The following SF3B1 variants were observed in gnomAD, a reference collection of about 807,000 sequenced individuals.
SF3B1 encodes pre-mRNA processing 10.
Under a neutral mutation model 153.8 loss-of-function variants are expected in SF3B1, and 12 were observed. That is an observed-to-expected ratio of 0.08 (90% CI 0.05 to 0.13). The LOEUF is 0.13. Among genes scored for constraint, SF3B1 ranks in the 10% least tolerant of loss-of-function variants. The probability of loss-of-function intolerance (pLI) is 1.00; values close to 1 mark genes in which losing one functional copy is unlikely to be tolerated. For missense variants in SF3B1, 513 were observed against 1,606.1 expected (o/e 0.32, Z 11.63); for synonymous variants, 498 against 525.2 (o/e 0.95, Z 0.71).
At chr2:197,435,070 A>G (rs2085503117), upstream of SF3B1, 7 of 1,612,450 alleles carry the variant, frequency 4.3e-6, no homozygotes, top group South Asian at 4.4e-5. Flanking sequence ...CGCCACGGAG[A>G]AAAATAGCTG....
At chr2:197,406,535 G>A (rs1478326239) in intron 9 of SF3B1, among the ~76,000 whole-genome samples, 1 of 152,056 alleles carries the variant, frequency 6.6e-6, no homozygotes, top group Non-Finnish European at 1.5e-5. Flanking sequence ...AGGATTTAAA[G>A]GTCTACTATA....
chr2:197,392,380 G>C lies in SF3B1; in HGVS notation c.3838C>G (p.Leu1280Val), dbSNP rs759773104. ...NSIYIGSQDA[L>V]IAHYPRIYND... ...TAGATTCTTGGGTAATGTGCTATGA[G>C]AGCGTCCTGGGAACCAATGTAGATG... Residue 1280 changes from leucine to valine, a missense_variant, in exon 25 of 25, where the codon CTC (leucine) becomes GTC (valine). Transcript: ENST00000335508. 7 of 1,608,438 alleles carry C rather than the reference G, an allele frequency of 4.4e-6. No individual in the cohort carries two copies. Among genetic ancestry groups the C allele is most frequent in the Non-Finnish European group, 5.1e-6 (6 of 1,175,004 alleles).
chr2:197,405,661 A>G (rs938041558), intron 9 of SF3B1, among the ~76,000 whole-genome samples, 189 bp from the exon 10 acceptor site: 1 of 152,228 alleles, frequency 6.6e-6, no homozygotes, highest in Non-Finnish European at 1.5e-5. Flanking sequence ...CTAACTGATT[A>G]TATCCGTGGT....
At chr2:197,433,126 G>A (rs905311846) in intron 1 of SF3B1, among the ~76,000 whole-genome samples, 3 of 152,210 alleles carry the variant, frequency 2.0e-5, no homozygotes, top group Non-Finnish European at 4.4e-5. Context: ...GTTCCATTAG[G>A]AAGGAAGCAA....
chr2:197,392,573 G>GGC (rs1553563316), intron 24 of SF3B1, 112 bp from the exon 25 acceptor site: 13 of 355,830 alleles, frequency 3.7e-5, no homozygotes, highest in South Asian at 1.1e-4. Flanking sequence ...GGGGAGTTGG[G>GGC]GGGGGGGGAA....
In SF3B1 at chr2:197,403,679, G is replaced by A. The variant is rs1417036610; in HGVS notation, c.1625C>T (p.Pro542Leu). ...ATGACGCTCTTGATCCTCAAGTGTA[G>A]GAGACATCAGCAGAGGAAGAATCTG... ...FNQILPLLMSPTLEDQERHLL... is the reference protein window; with the variant it reads ...FNQILPLLMSLTLEDQERHLL... The change falls in exon 12 of 25, where the codon CCT becomes CTT. Residue 542 changes from proline (P) to leucine (L), a missense_variant. Around this residue, in one of 21 missense-constraint regions of SF3B1, gnomAD observed 34 missense variants for 190.8 expected, o/e 0.18. Coordinates refer to ENST00000335508, the MANE Select transcript of SF3B1 (RefSeq NM_012433.4). 6.2e-7 allele frequency: 1 copy of A among 1,600,156 alleles called. No individual in the cohort carries two copies.
intron 20 of SF3B1, chr2:197,399,116 A>G: frequency 7.9e-7 from 1 of 1,273,122 alleles, no homozygotes; most frequent in East Asian, 5.6e-5. Flanking sequence ...TTCTCTCTCC[A>G]TTGCTCTTCC....
intron 1 of SF3B1, among the ~76,000 whole-genome samples, chr2:197,432,625 T>G (rs1414184862): frequency 6.6e-6 from 1 of 152,170 alleles, no homozygotes; most frequent in Admixed American, 6.5e-5. Context: ...ATCCCAGCAC[T>G]TTGGGAGGCC....
chr2:197,421,143 A>G lies in SF3B1; in HGVS notation c.196-10T>C. On this transcript the variant is annotated splice_polypyrimidine_tract_variant and intron_variant, in intron 2 of 24. Transcript: ENST00000335508. ...AATAGTCATCGTCATCCTGCAATGA[A>G]AACCCCCCAAAAAGCCATAAACAAA... is the stretch of plus-strand genomic sequence containing the variant. 6.4e-7 allele frequency: 1 copy of G among 1,561,938 alleles called. No homozygotes were observed. Among genetic ancestry groups the G allele is most frequent in the East Asian group, 2.2e-5 (1 of 44,564 alleles).
intron 4 of SF3B1, chr2:197,420,116 G>C (rs539173589): frequency 3.3e-6 from 1 of 303,646 alleles, no homozygotes; most frequent in Non-Finnish European, 6.1e-6. Flanking sequence ...AGTATTTTGA[G>C]CAGAAAAATA....
chr2:197,408,616 T>C, intron 7 of SF3B1, 35 bp from the exon 8 acceptor site: 1 of 1,286,426 alleles, frequency 7.8e-7, no homozygotes, highest in Non-Finnish European at 1.1e-6. Flanking sequence ...ACCACAATTT[T>C]AATCACTGTT....
intron 6 of SF3B1, 83 bp downstream of exon 6, chr2:197,416,658 C>T (rs2106004761): frequency 8.1e-6 from 10 of 1,240,802 alleles, no homozygotes; most frequent in Non-Finnish European, 9.0e-6. Flanking sequence ...TGGTATCTTG[C>T]TATGGCAACC....
chr2:197,420,768 A>G (rs2085227533), intron 3 of SF3B1, among the ~76,000 whole-genome samples: 1 of 152,206 alleles, frequency 6.6e-6, no homozygotes, highest in Non-Finnish European at 1.5e-5. Context: ...AAATGATTAC[A>G]GCCAGGCATG....
chr2:197,400,784 A>G lies in SF3B1; in HGVS notation c.2649T>C (p.Asp883=), dbSNP rs1049340742. The G allele has an allele frequency of 6.2e-7, 1 of 1,613,398 alleles. No individual in the cohort carries two copies. ...EKIMGNLGAA[D]IDHKLEEQLI... is the part of the protein sequence containing the mutation. ...GTTGTTCTTCAAGTTTATGATCAAT[A>G]TCTGCTGCTCCCAAATTACCCATAA... The change falls in exon 18 of 25, where the codon GAT becomes GAC. Residue 883 remains aspartate (D), a synonymous_variant. Coordinates refer to ENST00000335508, the MANE Select transcript of SF3B1 (RefSeq NM_012433.4). This position sits in a 1 kb window ranked among gnomAD's most constrained non-coding sequence, Gnocchi z 5.0.
At chr2:197,399,191 T>C (rs2084910311) in intron 20 of SF3B1, among the ~76,000 whole-genome samples, 1 of 152,236 alleles carries the variant, frequency 6.6e-6, no homozygotes, top group African/African-American at 2.4e-5. Flanking sequence ...CAAGTGGCCA[T>C]GTAAATGATT....
At chr2:197,419,050 C>T (rs895218136) in intron 4 of SF3B1, 1 of 916,106 alleles carries the variant, frequency 1.1e-6, no homozygotes, top group Non-Finnish European at 1.7e-6. Context: ...CTACAAATAA[C>T]TATGACTAGA....
chr2:197,406,095 T>C (rs1032357020), intron 9 of SF3B1, among the ~76,000 whole-genome samples: 1 of 150,790 alleles, frequency 6.6e-6, no homozygotes, highest in African/African-American at 2.4e-5. Flanking sequence ...TTTTTTTTTT[T>C]TTAAAGCTGG....
chr2:197,434,862 C>T, intron 1 of SF3B1, 110 bp downstream of exon 1: 1 of 1,215,594 alleles, frequency 8.2e-7, no homozygotes, highest in Non-Finnish European at 1.2e-6. Flanking sequence ...CCCCGAAACG[C>T]GGGCTCAGCT....
Position 197,408,126 on chromosome 2 carries a change from A to C in SF3B1, c.1118-7T>G. ...GTCATACTCATTATGTGACCTACCA[A>C]GAAAAGCAAATTTTTATATAATCTA... On this transcript the variant is annotated splice_region_variant and splice_polypyrimidine_tract_variant and intron_variant, in intron 8 of 24. Coordinates refer to ENST00000335508, the MANE Select transcript of SF3B1 (RefSeq NM_012433.4). 6.2e-7 allele frequency: 1 copy of C among 1,609,778 alleles called. No individual in the cohort carries two copies. The highest frequency in any genetic ancestry group is 8.5e-7 in the Non-Finnish European group (1 of 1,176,962).
Sources: gnomAD v4.1 joint callset for allele counts (sites outside exome capture counted in the v4.1 genomes callset) on GRCh38, gnomAD v4.1.1 for gene constraint, gnomAD v4.1.1 regional missense constraint, Gnocchi (gnomAD v3.1) non-coding constraint, MANE v1.5 for transcripts, NCBI Gene and HGNC (gene_info 2026-07-23, HGNC 2026-07-21) for gene names.